Variants in DRC11 observed in about 807,000 individuals in gnomAD.
The protein encoded by DRC11 is dynein regulatory complex subunit 11, also known as IQ and AAA domain-containing protein 1.
chr2:236,497,543 CAT>C, the DRC11 span: 3 of 1,326,126 alleles, frequency 2.3e-6, no homozygotes, highest in African/African-American at 4.4e-5. This position sits in a 1 kb window ranked among gnomAD's most constrained non-coding sequence, Gnocchi z 5.1. Context: ...CTTGGTAAAA[CAT>C]AAACATCGGG....
chr2:236,507,281 C>T, the DRC11 span: 32 of 1,613,892 alleles, frequency 2.0e-5, no homozygotes, highest in African/African-American at 1.7e-4. Context: ...TGGCTACTTT[C>T]CCTCTTTTCC....
the DRC11 span, among the ~76,000 whole-genome samples, chr2:236,357,431 AGTATAT>A: frequency 2.4e-5 from 3 of 126,494 alleles, no homozygotes; most frequent in South Asian, 2.3e-4. Flanking sequence ...TAATTTACAT[AGTATAT>A]GTATATTTAT....
At chr2:236,362,766 T>C in the DRC11 span, among the ~76,000 whole-genome samples, 8 of 152,096 alleles carry the variant, frequency 5.3e-5, no homozygotes, top group Non-Finnish European at 8.8e-5. The surrounding 1 kb of genome is among the most constrained non-coding windows in gnomAD (Gnocchi z 5.7). Flanking sequence ...TGCATGAAAA[T>C]GGTGGTTACA....
At chr2:236,324,493 G>A in the DRC11 span, 7 of 497,828 alleles carry the variant, frequency 1.4e-5, no homozygotes, top group African/African-American at 1.4e-4. This position sits in a 1 kb window ranked among gnomAD's most constrained non-coding sequence, Gnocchi z 5.7. Context: ...AGGCATAACA[G>A]CACATGCAGT....
At chr2:236,357,274 TA>T in the DRC11 span, among the ~76,000 whole-genome samples, 1 of 82,644 alleles carries the variant, frequency 1.2e-5, no homozygotes, top group African/African-American at 4.6e-5. Context: ...TAAATATACA[TA>T]TATTATATAT....
chr2:236,493,007 C>G, the DRC11 span, among the ~76,000 whole-genome samples: 1 of 152,216 alleles, frequency 6.6e-6, no homozygotes, highest in Non-Finnish European at 1.5e-5. Context: ...AGTCCGTTTT[C>G]ACACTGCTGA....
the DRC11 span, among the ~76,000 whole-genome samples, chr2:236,327,529 G>T: frequency 6.6e-6 from 1 of 150,884 alleles, no homozygotes; most frequent in South Asian, 2.1e-4. Context: ...ACAGGCATGA[G>T]CCACCGTGTT....
chr2:236,416,996 G>C, the DRC11 span, among the ~76,000 whole-genome samples: 1 of 151,588 alleles, frequency 6.6e-6, no homozygotes, highest in Non-Finnish European at 1.5e-5. Flanking sequence ...CTGACCTCAG[G>C]TGATCTGCCT....
At chr2:236,329,319 A>G in the DRC11 span, among the ~76,000 whole-genome samples, 2 of 152,196 alleles carry the variant, frequency 1.3e-5, no homozygotes, top group African/African-American at 2.4e-5. Flanking sequence ...TTGAGGGGCC[A>G]TTATCCGGCC....
chr2:236,416,759 A>ATC, the DRC11 span, among the ~76,000 whole-genome samples: 1 of 90,874 alleles, frequency 1.1e-5, no homozygotes, highest in Non-Finnish European at 2.2e-5. Flanking sequence ...ATATATATAT[A>ATC]TATATATATA....
the DRC11 span, among the ~76,000 whole-genome samples, chr2:236,400,252 C>T: frequency 2.0e-5 from 3 of 152,238 alleles, no homozygotes; most frequent in South Asian, 2.1e-4. The surrounding 1 kb of genome is among the most constrained non-coding windows in gnomAD (Gnocchi z 7.9). Context: ...GCTTCCTTCC[C>T]GGAGCCAGAG....
chr2:236,492,265 C>T, the DRC11 span, among the ~76,000 whole-genome samples: 1 of 152,194 alleles, frequency 6.6e-6, no homozygotes, highest in African/African-American at 2.4e-5. Flanking sequence ...TTAGGCTCCG[C>T]AGAATGGGTA....
chr2:236,467,725 A>ATT, the DRC11 span, among the ~76,000 whole-genome samples: 1 of 152,244 alleles, frequency 6.6e-6, no homozygotes, highest in Admixed American at 6.5e-5. Context: ...GTGAAACAAG[A>ATT]ATATGGCAAC....
the DRC11 span, among the ~76,000 whole-genome samples, chr2:236,459,272 A>C: frequency 6.6e-6 from 1 of 152,258 alleles, no homozygotes; most frequent in South Asian, 2.1e-4. Flanking sequence ...ACAAATTAAA[A>C]GATGACTGAG....
chr2:236,314,448 C>T, the DRC11 span, among the ~76,000 whole-genome samples: 18 of 152,214 alleles, frequency 1.2e-4, no homozygotes, highest in African/African-American at 4.1e-4. This position sits in a 1 kb window ranked among gnomAD's most constrained non-coding sequence, Gnocchi z 4.5. Context: ...AACATCATAA[C>T]TAAATGGCCA....
chr2:236,357,346 AT>A, the DRC11 span, among the ~76,000 whole-genome samples: 1 of 119,578 alleles, frequency 8.4e-6, no homozygotes, highest in African/African-American at 3.4e-5. Context: ...GAATATATAT[AT>A]TATATGTATA....
At chr2:236,409,617 T>C in the DRC11 span, among the ~76,000 whole-genome samples, 7 of 152,100 alleles carry the variant, frequency 4.6e-5, no homozygotes, top group Admixed American at 1.3e-4. Context: ...TCCTGCCTGA[T>C]TGCCCTGGCC....
chr2:236,505,797 C>G, the DRC11 span, among the ~76,000 whole-genome samples: 1 of 152,168 alleles, frequency 6.6e-6, no homozygotes, highest in Non-Finnish European at 1.5e-5. Context: ...AACGATGTCA[C>G]CCACTTCTCC....
the DRC11 span, among the ~76,000 whole-genome samples, chr2:236,330,545 A>G: frequency 2.0e-5 from 3 of 152,210 alleles, no homozygotes; most frequent in Non-Finnish European, 2.9e-5. The surrounding 1 kb of genome is among the most constrained non-coding windows in gnomAD (Gnocchi z 5.5). Flanking sequence ...TTTAGATTTG[A>G]TGGAAAAGTG....
Sources: gnomAD v4.1 joint callset for allele counts (sites outside exome capture counted in the v4.1 genomes callset) on GRCh38, gnomAD v4.1.1 for gene constraint, Gnocchi (gnomAD v3.1) non-coding constraint, MANE v1.5 for transcripts, NCBI Gene and HGNC (gene_info 2026-07-23, HGNC 2026-07-21) for gene names.